ROBO2: variants seen among roughly 807,000 people sequenced by gnomAD.
The protein encoded by ROBO2 is roundabout guidance receptor 2, also known as roundabout homolog 2.
In ROBO2, 53 loss-of-function variants were observed where a neutral mutation model predicts 160.8. The ratio of observed to expected loss-of-function variants is 0.33; its 90% CI spans 0.26 to 0.41. ROBO2 has a LOEUF of 0.41. Ranked by LOEUF, ROBO2 falls within the 10% of genes least tolerant of loss-of-function variation. The pLI, the probability that ROBO2 is intolerant of heterozygous loss-of-function variation, is 1.00. For synonymous variants in ROBO2, 664 were observed against 611.7 expected, an observed-to-expected ratio of 1.09 and a Z score of -1.26; for missense variants, 1,577 against 1,722.4, an observed-to-expected ratio of 0.92 and a Z score of 1.49.
intron 2 of ROBO2, among the ~76,000 whole-genome samples, chr3:76,197,348 A>T (rs1210055767): frequency 6.9e-6 from 1 of 145,884 alleles, no homozygotes; most frequent in Non-Finnish European, 1.5e-5. Flanking sequence ...ATAGATTTGG[A>T]TCTGGGCCTG....
At chr3:76,036,102 G>A (rs2067096496) in intron 2 of ROBO2, among the ~76,000 whole-genome samples, 1 of 151,934 alleles carries the variant, frequency 6.6e-6, no homozygotes, top group South Asian at 2.1e-4. Flanking sequence ...TTTCTTTGGT[G>A]TAGGGATGAT....
At chr3:76,947,274 A>G (rs921445290) in intron 2 of ROBO2, among the ~76,000 whole-genome samples, 1 of 152,084 alleles carries the variant, frequency 6.6e-6, no homozygotes, top group African/African-American at 2.4e-5. Flanking sequence ...CTATAAAAAA[A>G]CATTCAAACC....
intron 6 of ROBO2, among the ~76,000 whole-genome samples, chr3:77,537,100 G>GT (rs1491564026): frequency 5.8e-5 from 1 of 17,288 alleles, no homozygotes; most frequent in Admixed American, 9.0e-4. Flanking sequence ...CATATTTTGT[G>GT]GGGGGGGGGT....
intron 2 of ROBO2, among the ~76,000 whole-genome samples, chr3:77,148,834 T>C (rs751972012): frequency 1.2e-4 from 19 of 152,160 alleles, no homozygotes; most frequent in Non-Finnish European, 2.1e-4. Flanking sequence ...AATTAAAAGG[T>C]ACAATTTCCT....
intron 2 of ROBO2, among the ~76,000 whole-genome samples, chr3:76,668,962 A>T (rs1187360373): frequency 6.6e-6 from 1 of 152,146 alleles, no homozygotes; most frequent in Non-Finnish European, 1.5e-5. Flanking sequence ...AAAATAGAAC[A>T]TAAGCCAGTT....
intron 23 of ROBO2, chr3:77,633,634 G>A (rs921006676): frequency 1.2e-4 from 18 of 152,074 alleles, no homozygotes; most frequent in Non-Finnish European, 2.5e-4. Flanking sequence ...ATGAGTCTTG[G>A]AAGTTTTCTT....
At chr3:77,017,558 C>T (rs1276534158) in intron 2 of ROBO2, among the ~76,000 whole-genome samples, 2 of 152,228 alleles carry the variant, frequency 1.3e-5, no homozygotes, top group African/African-American at 4.8e-5. Context: ...GCTTTAATTA[C>T]ATTTCTCCTT....
At chr3:76,677,957 G>GTTTTTTTTTTTT (rs1337363967) in intron 2 of ROBO2, among the ~76,000 whole-genome samples, 2 of 46,104 alleles carry the variant, frequency 4.3e-5, no homozygotes, top group Non-Finnish European at 8.5e-5. Context: ...AAGAAAATAT[G>GTTTTTTTTTTTT]CTTTTTTTTT....
intron 2 of ROBO2, among the ~76,000 whole-genome samples, chr3:76,393,694 G>A (rs2077272359): frequency 1.3e-5 from 2 of 152,134 alleles, no homozygotes; most frequent in African/African-American, 2.4e-5. Context: ...AAACCACATG[G>A]CCTGAGAAAG....
intron 2 of ROBO2, among the ~76,000 whole-genome samples, chr3:77,447,456 T>C (rs1301321510): frequency 6.6e-6 from 1 of 152,134 alleles, no homozygotes; most frequent in Admixed American, 6.6e-5. Context: ...GTTAAAAATT[T>C]AACTTTTTAT....
intron 2 of ROBO2, among the ~76,000 whole-genome samples, chr3:77,291,683 G>T (rs1347088669): frequency 1.3e-5 from 2 of 151,834 alleles, no homozygotes; most frequent in Non-Finnish European, 2.9e-5. Flanking sequence ...GGTTAAATGG[G>T]TAAGCTGAGG....
intron 8 of ROBO2, among the ~76,000 whole-genome samples, chr3:77,553,507 A>C (rs1056707605): frequency 9.2e-5 from 14 of 151,994 alleles, no homozygotes; most frequent in Non-Finnish European, 1.2e-4. Context: ...GCATGTCAAA[A>C]ACTGAGATAG....
chr3:77,515,344 G>A (rs1197484385), intron 5 of ROBO2, among the ~76,000 whole-genome samples: 1 of 151,732 alleles, frequency 6.6e-6, no homozygotes, highest in Non-Finnish European at 1.5e-5. Context: ...TCAGCAGAGT[G>A]AGGAAGCCGA....
chr3:76,939,504 T>G (rs2078008264), intron 2 of ROBO2, among the ~76,000 whole-genome samples: 1 of 152,076 alleles, frequency 6.6e-6, no homozygotes, highest in Non-Finnish European at 1.5e-5. Flanking sequence ...AAATCCCCTC[T>G]TCTAAGCCAG....
intron 2 of ROBO2, among the ~76,000 whole-genome samples, chr3:77,127,662 G>A (rs890845485): frequency 2.0e-5 from 3 of 152,066 alleles, no homozygotes; most frequent in African/African-American, 7.2e-5. Flanking sequence ...TCTTTCTAAG[G>A]TAGTGTCTTT....
chr3:77,237,341 T>C (rs1263796320), intron 2 of ROBO2, among the ~76,000 whole-genome samples: 1 of 151,716 alleles, frequency 6.6e-6, no homozygotes, highest in Non-Finnish European at 1.5e-5. Flanking sequence ...GCAGGGACCA[T>C]ACTGTACGCC....
chr3:77,542,081 T>C (rs1582829394), intron 6 of ROBO2, among the ~76,000 whole-genome samples: 1 of 152,230 alleles, frequency 6.6e-6, no homozygotes, highest in South Asian at 2.1e-4. Flanking sequence ...AGCCAAATAC[T>C]GTCTTTTCAG....
chr3:76,816,053 A>T (rs1254110945), intron 2 of ROBO2, among the ~76,000 whole-genome samples: 1 of 151,978 alleles, frequency 6.6e-6, no homozygotes, highest in African/African-American at 2.4e-5. Flanking sequence ...TTCTTAGAAA[A>T]CTTTCTGACT....
At chr3:76,611,093 A>G (rs1218437796) in intron 2 of ROBO2, among the ~76,000 whole-genome samples, 2 of 152,142 alleles carry the variant, frequency 1.3e-5, no homozygotes, top group Non-Finnish European at 2.9e-5. Context: ...AAAAACCACC[A>G]TTCGATTGAT....
Sources: gnomAD v4.1 joint callset for allele counts (sites outside exome capture counted in the v4.1 genomes callset) on GRCh38, gnomAD v4.1.1 for gene constraint, MANE v1.5 for transcripts, NCBI Gene and HGNC (gene_info 2026-07-23, HGNC 2026-07-21) for gene names.